Variants in GRIN2A observed in about 807,000 individuals in gnomAD.
GRIN2A encodes glutamate ionotropic receptor NMDA type subunit 2A.
Under a neutral mutation model 113.4 loss-of-function variants are expected in GRIN2A, and 22 were observed. The ratio of observed to expected loss-of-function variants is 0.19; its 90% CI spans 0.14 to 0.28. The LOEUF is 0.28. Ranked by LOEUF, GRIN2A falls within the 10% of genes least tolerant of loss-of-function variation. The probability of loss-of-function intolerance (pLI) is 1.00; values close to 1 mark genes in which losing one functional copy is unlikely to be tolerated. For synonymous variants in GRIN2A, 827 were observed against 738.4 expected (o/e 1.12, Z -1.94); for missense variants, 1,502 against 1,887.0 (o/e 0.80, Z 3.78).
intron 2 of GRIN2A, among the ~76,000 whole-genome samples, chr16:9,977,373 G>A (rs897815961): frequency 6.6e-5 from 10 of 152,108 alleles, no homozygotes; most frequent in Admixed American, 4.6e-4. Flanking sequence ...GTGATTTTAG[G>A]AAGTTATTTA....
chr16:10,037,494 G>A (rs1276882689), intron 2 of GRIN2A, among the ~76,000 whole-genome samples: 1 of 152,120 alleles, frequency 6.6e-6, no homozygotes, highest in African/African-American at 2.4e-5. Context: ...ATTGGACTAA[G>A]TTACTTAAAA....
In GRIN2A at chr16:9,790,732, A is replaced by C. The variant is rs182016596; in HGVS notation, c.2356+7545T>G. Among the ~76,000 whole-genome samples, 11 of 152,316 alleles carry C rather than the reference A, an allele frequency of 7.2e-5. No homozygotes were observed. In the East Asian group the frequency reaches 2.1e-3, roughly 29 times the overall value. ...GAGGTATCTAGTGTCCTTTCTAAAG[A>C]AAATAAGGTCCCTTTCATTAAAGAA... On this transcript the variant is annotated intron_variant, in intron 11 of 12. Transcript: ENST00000330684.
At chr16:9,923,984 G>A (rs757039664) in intron 3 of GRIN2A, among the ~76,000 whole-genome samples, 3 of 151,606 alleles carry the variant, frequency 2.0e-5, no homozygotes, top group South Asian at 4.2e-4. Flanking sequence ...AAAATTAGCC[G>A]GGCTTGGTGG....
intron 2 of GRIN2A, among the ~76,000 whole-genome samples, chr16:9,997,549 A>T (rs973814767): frequency 1.3e-5 from 2 of 152,198 alleles, no homozygotes; most frequent in Non-Finnish European, 2.9e-5. Context: ...CTTGACTGCC[A>T]TCCCTAATCT....
chr16:9,846,139 A>C (rs555675873), intron 5 of GRIN2A, among the ~76,000 whole-genome samples: 373 of 152,312 alleles, frequency 2.4e-3, no homozygotes, highest in African/African-American at 8.1e-3. Context: ...CACAATTATG[A>C]ATCATGATGA....
At chr16:9,881,708 G>A (rs1368317858) in intron 4 of GRIN2A, among the ~76,000 whole-genome samples, 1 of 152,148 alleles carries the variant, frequency 6.6e-6, no homozygotes, top group Admixed American at 6.5e-5. Flanking sequence ...AATGGTAAAG[G>A]AGAGACTGAA....
intron 2 of GRIN2A, among the ~76,000 whole-genome samples, chr16:10,017,897 G>A (rs2046640827): frequency 6.6e-6 from 1 of 152,162 alleles, no homozygotes; most frequent in Non-Finnish European, 1.5e-5. Context: ...TCTCAGCCCT[G>A]CTGGATCCTC....
At chr16:9,832,726 C>G (rs1171620612) in intron 8 of GRIN2A, among the ~76,000 whole-genome samples, 5 of 152,180 alleles carry the variant, frequency 3.3e-5, no homozygotes, top group African/African-American at 1.2e-4. Flanking sequence ...CAGAAACTGT[C>G]TCAGATTCCA....
At chr16:10,148,580 A>G (rs1284016206) in intron 2 of GRIN2A, among the ~76,000 whole-genome samples, 1 of 152,192 alleles carries the variant, frequency 6.6e-6, no homozygotes, top group Non-Finnish European at 1.5e-5. Flanking sequence ...ACATGGCCAG[A>G]GCAGAGCTAG....
chr16:9,862,849 T>C (rs537329330), intron 4 of GRIN2A, among the ~76,000 whole-genome samples: 1 of 152,210 alleles, frequency 6.6e-6, no homozygotes, highest in African/African-American at 2.4e-5. Flanking sequence ...CTCTTGGGAG[T>C]CCTTCATTGT....
intron 3 of GRIN2A, among the ~76,000 whole-genome samples, chr16:9,894,771 T>C (rs2043769787): frequency 6.6e-6 from 1 of 152,200 alleles, no homozygotes; most frequent in African/African-American, 2.4e-5. Context: ...CAGTTAATGT[T>C]TGGCAAGTAT....
chr16:10,138,536 G>C (rs940864856), intron 2 of GRIN2A, among the ~76,000 whole-genome samples: 1 of 152,056 alleles, frequency 6.6e-6, no homozygotes, highest in African/African-American at 2.4e-5. Flanking sequence ...AACAGCAAGG[G>C]GAAAATCCGC....
At chr16:9,827,022 C>T (rs1021992366) in intron 9 of GRIN2A, among the ~76,000 whole-genome samples, 1 of 152,186 alleles carries the variant, frequency 6.6e-6, no homozygotes, top group Admixed American at 6.5e-5. Context: ...CTAGGAATTG[C>T]ACTTTTGATC....
At chr16:10,148,743 AT>A (rs564177599) in intron 2 of GRIN2A, among the ~76,000 whole-genome samples, 98 of 152,258 alleles carry the variant, frequency 6.4e-4, no homozygotes, top group African/African-American at 2.2e-3. Flanking sequence ...AAGAAAGGAA[AT>A]CAGTATATCA....
At chr16:9,819,017 G>C (rs1157564580) in intron 10 of GRIN2A, among the ~76,000 whole-genome samples, 5 of 152,072 alleles carry the variant, frequency 3.3e-5, no homozygotes, top group African/African-American at 9.7e-5. Context: ...CATAATGAAA[G>C]ATTATGACTC....
Position 9,757,740 on chromosome 16 carries a change from T to A in GRIN2A, c.*5409A>T. ...TTTGAGGTTTTAAACAATATCCCTG[T>A]TGATTTTTCCTAAGGAGACGGTCTC... On this transcript the variant is annotated 3_prime_UTR_variant, in exon 13 of 13. Coordinates refer to ENST00000330684, the MANE Select transcript of GRIN2A (RefSeq NM_001134407.3). The A allele has an allele frequency of 4.6e-6, 1 of 216,918 alleles. No homozygotes were observed. The highest frequency in any genetic ancestry group is 6.8e-5 in the East Asian group (1 of 14,702). The allele number at this position is 216,918 out of a possible 1,614,324, so 13.4% of individuals were successfully genotyped here.
intron 4 of GRIN2A, among the ~76,000 whole-genome samples, chr16:9,877,898 C>T (rs770656243): frequency 1.4e-5 from 2 of 146,024 alleles, no homozygotes; most frequent in African/African-American, 2.6e-5. Context: ...TCCTGCTTTC[C>T]CCGCTTCCTC....
chr16:9,832,309 T>C (rs2042511241), intron 8 of GRIN2A, among the ~76,000 whole-genome samples: 1 of 152,098 alleles, frequency 6.6e-6, no homozygotes, highest in Non-Finnish European at 1.5e-5. Flanking sequence ...TTCTGTTTGC[T>C]GTTCCTTTTA....
intron 2 of GRIN2A, among the ~76,000 whole-genome samples, chr16:10,060,523 T>C (rs2047533419): frequency 6.6e-6 from 1 of 152,208 alleles, no homozygotes; most frequent in Non-Finnish European, 1.5e-5. Flanking sequence ...CTGATATCCA[T>C]TGTTCTTCAA....
Sources: gnomAD v4.1 joint callset for allele counts (sites outside exome capture counted in the v4.1 genomes callset) on GRCh38, gnomAD v4.1.1 for gene constraint, MANE v1.5 for transcripts, NCBI Gene and HGNC (gene_info 2026-07-23, HGNC 2026-07-21) for gene names.